The following PTPRD variants were observed in gnomAD, a reference collection of about 807,000 sequenced individuals.
PTPRD encodes protein tyrosine phosphatase receptor type D.
PTPRD carries 34 observed loss-of-function variants against 214.5 expected under a neutral mutation model. The observed-to-expected ratio is 0.16, with a 90% CI of 0.12 to 0.21. PTPRD has a LOEUF of 0.21. Ranked by LOEUF, PTPRD falls within the 10% of genes least tolerant of loss-of-function variation. The pLI is 1.00. For missense variants in PTPRD, 2,545 were observed against 2,398.7 expected, an observed-to-expected ratio of 1.06 and a Z score of -1.27; for synonymous variants, 1,128 against 845.7, an observed-to-expected ratio of 1.33 and a Z score of -5.79.
rs189643962 is a variant in PTPRD at position 8,787,335 on chromosome 9, T to C, written c.-103-53389A>G. ...CAGCAATATGGAGTCAAAGCTGCTTTGAGGATTATTATTTCTCTAATATTA... is the reference window on the plus strand; with the variant it reads ...CAGCAATATGGAGTCAAAGCTGCTTCGAGGATTATTATTTCTCTAATATTA... On this transcript the variant is annotated intron_variant, in intron 11 of 45. Transcript: ENST00000381196. Among the ~76,000 whole-genome samples the C allele has an allele frequency of 7.9e-5, 12 of 152,290 alleles. No individual in the cohort carries two copies. In the East Asian group the frequency reaches 1.7e-3, roughly 22 times the overall value.
chr9:9,806,236 A>G (rs1279727143), intron 5 of PTPRD, among the ~76,000 whole-genome samples: 2 of 151,984 alleles, frequency 1.3e-5, no homozygotes, highest in African/African-American at 4.8e-5. Context: ...CCGTTATCAC[A>G]CTGTCTCTCT....
chr9:9,189,512 C>T (rs1286750731), intron 9 of PTPRD, among the ~76,000 whole-genome samples: 1 of 152,044 alleles, frequency 6.6e-6, no homozygotes, highest in Admixed American at 6.6e-5. Context: ...TACTACAAAA[C>T]GTCCTCTCTG....
intron 30 of PTPRD, among the ~76,000 whole-genome samples, chr9:8,479,939 T>C (rs140392718): frequency 1.3e-5 from 2 of 152,166 alleles, no homozygotes; most frequent in Admixed American, 6.5e-5. Flanking sequence ...AGATTAGATA[T>C]GATCTCCTTC....
intron 14 of PTPRD, among the ~76,000 whole-genome samples, chr9:8,558,965 A>C (rs558696583): frequency 3.9e-5 from 6 of 152,342 alleles, no homozygotes; most frequent in African/African-American, 1.2e-4. Flanking sequence ...CACTCAAAAT[A>C]ATAATATTCA....
chr9:9,139,328 G>GA (rs1237680883), intron 10 of PTPRD, among the ~76,000 whole-genome samples: 3 of 151,978 alleles, frequency 2.0e-5, no homozygotes, highest in African/African-American at 7.3e-5. Context: ...TGTTGATGAG[G>GA]AAAAAAATTG....
chr9:10,521,449 A>G (rs918191916), intron 2 of PTPRD, among the ~76,000 whole-genome samples: 1 of 152,180 alleles, frequency 6.6e-6, no homozygotes, highest in Non-Finnish European at 1.5e-5. Flanking sequence ...CATTTTTCAA[A>G]AGACAATAAA....
At chr9:9,754,260 C>A (rs917870850) in intron 6 of PTPRD, among the ~76,000 whole-genome samples, 21 of 152,024 alleles carry the variant, frequency 1.4e-4, no homozygotes, top group African/African-American at 5.1e-4. Flanking sequence ...AGTTTTCAAT[C>A]TTCCAGAGGG....
rs145079567 is a variant in PTPRD, at chr9:8,702,415, A to C, written c.64+31365T>G. Among the ~76,000 whole-genome samples the C allele has an allele frequency of 3.0e-3, 452 of 152,276 alleles. 5 individuals carry two copies. Among genetic ancestry groups the C allele is most frequent in the Admixed American group, 0.025 (382 of 15,290 alleles). ...GTTGAGGTTCATGGATTCATTCAAC[A>C]AACATTTACTGATTACCTACTACGT... On this transcript the variant is annotated intron_variant, in intron 12 of 45. Transcript: ENST00000381196.
At chr9:8,651,523 G>C (rs1031034802) in intron 12 of PTPRD, among the ~76,000 whole-genome samples, 1 of 152,186 alleles carries the variant, frequency 6.6e-6, no homozygotes, top group East Asian at 1.9e-4. Flanking sequence ...ATGAGTTCTA[G>C]ATGGAACACA....
chr9:8,978,445 T>C (rs961324468), intron 11 of PTPRD, among the ~76,000 whole-genome samples: 6 of 152,202 alleles, frequency 3.9e-5, no homozygotes, highest in African/African-American at 7.2e-5. Context: ...GAATGAACTA[T>C]TGGGAAACTA....
At chr9:9,980,330 C>T (rs995446424) in intron 4 of PTPRD, among the ~76,000 whole-genome samples, 5 of 151,570 alleles carry the variant, frequency 3.3e-5, no homozygotes, top group Admixed American at 3.3e-4. Context: ...GTGGATGGGC[C>T]GGTTATGGTG....
chr9:8,493,288 G>GTT (rs2097188230), intron 26 of PTPRD, among the ~76,000 whole-genome samples: 1 of 152,148 alleles, frequency 6.6e-6, no homozygotes, highest in Non-Finnish European at 1.5e-5. Context: ...GACCAAGTAT[G>GTT]TTTACCTATC....
intron 3 of PTPRD, among the ~76,000 whole-genome samples, chr9:10,102,524 TG>T (rs2098562697): frequency 6.6e-6 from 1 of 151,548 alleles, no homozygotes; most frequent in Non-Finnish European, 1.5e-5. Context: ...TACCATCCCT[TG>T]CTGGATTATT....
At chr9:8,328,315 G>T (rs145910578) in intron 44 of PTPRD, among the ~76,000 whole-genome samples, 6,762 of 151,510 alleles carry the variant, frequency 0.045, 197 homozygotes, top group South Asian at 0.16. Flanking sequence ...GGGTTGAAAA[G>T]TCTTTTCTTT....
At chr9:10,040,197 T>TA (rs567525541) in intron 3 of PTPRD, among the ~76,000 whole-genome samples, 1 of 152,026 alleles carries the variant, frequency 6.6e-6, no homozygotes, top group South Asian at 2.1e-4. Flanking sequence ...AACGGATTCA[T>TA]AAAAATGAAT....
At chr9:8,562,593 C>T (rs115499837) in intron 14 of PTPRD, among the ~76,000 whole-genome samples, 2,424 of 152,076 alleles carry the variant, frequency 0.016, 58 homozygotes, top group East Asian at 0.06. Context: ...TGTGCTGCCA[C>T]GCCTGGCTAA....
At chr9:9,202,007 C>G (rs1182957936) in intron 9 of PTPRD, among the ~76,000 whole-genome samples, 2 of 152,110 alleles carry the variant, frequency 1.3e-5, no homozygotes, top group Non-Finnish European at 2.9e-5. Flanking sequence ...TGGACACGAA[C>G]TTTTGGTGGA....
chr9:8,649,834 T>C (rs945102981), intron 12 of PTPRD, among the ~76,000 whole-genome samples: 1 of 152,226 alleles, frequency 6.6e-6, no homozygotes, highest in African/African-American at 2.4e-5. Flanking sequence ...ATGATTCCAA[T>C]GATAAGATGC....
Position 8,736,294 on chromosome 9 carries a change from G to C in PTPRD, c.-103-2348C>G, listed in dbSNP as rs1256750699. ...TAAATCTAGCACAGCCTCTTATGCA[G>C]AGTACACTCTTAATGAAAAATTTAA... On this transcript the variant is annotated intron_variant, in intron 11 of 45. Coordinates refer to ENST00000381196, the MANE Select transcript of PTPRD (RefSeq NM_002839.4). Among the ~76,000 whole-genome samples, 8 of 152,178 alleles carry C rather than the reference G, an allele frequency of 5.3e-5. No individual in the cohort carries two copies. The South Asian group carries it at 1.0e-3, about 20-fold the overall frequency.
Sources: allele counts gnomAD v4.1 joint callset (sites outside exome capture counted in the v4.1 genomes callset), GRCh38; gene constraint gnomAD v4.1.1; transcripts MANE v1.5; gene names NCBI Gene and HGNC (gene_info 2026-07-23, HGNC 2026-07-21).